Variants in MTR observed in about 807,000 individuals in gnomAD.
The protein encoded by MTR is 5-methyltetrahydrofolate-homocysteine methyltransferase, also known as methionine synthase.
Under a neutral mutation model 154.8 loss-of-function variants are expected in MTR, and 84 were observed. That is an observed-to-expected ratio of 0.54 (90% CI 0.45 to 0.65). MTR has a LOEUF of 0.65. Ranked by LOEUF, MTR falls within the 30% of genes least tolerant of loss-of-function variation. The pLI is 0.00. For missense variants in MTR, 1,275 were observed against 1,570.2 expected (o/e 0.81, Z 3.18); for synonymous variants, 554 against 553.9 (o/e 1.00, Z 0.00).
intron 15 of MTR, among the ~76,000 whole-genome samples, chr1:236,849,122 T>C (rs1456418202): frequency 6.6e-6 from 1 of 152,236 alleles, no homozygotes; most frequent in African/African-American, 2.4e-5. Context: ...CCAGAAATAA[T>C]TCAGGATGTA....
chr1:236,878,967 AG>A (rs1468694875), intron 24 of MTR, among the ~76,000 whole-genome samples: 1 of 152,224 alleles, frequency 6.6e-6, no homozygotes, highest in Admixed American at 6.5e-5. Context: ...AAGGCTTTGT[AG>A]TCCTTTGCTT....
At chr1:236,875,275 C>CT (rs1164813465) in intron 24 of MTR, among the ~76,000 whole-genome samples, 1 of 152,174 alleles carries the variant, frequency 6.6e-6, no homozygotes, top group Non-Finnish European at 1.5e-5. Flanking sequence ...TGAAGGAACT[C>CT]TAACCTTGTA....
intron 1 of MTR, among the ~76,000 whole-genome samples, chr1:236,801,941 A>G (rs1232008353): frequency 6.6e-6 from 1 of 152,216 alleles, no homozygotes; most frequent in African/African-American, 2.4e-5. Context: ...TTTGTAGGAC[A>G]CTTGATAGTT....
At chr1:236,890,867 G>A (rs1175133236) in intron 28 of MTR, among the ~76,000 whole-genome samples, 1 of 152,074 alleles carries the variant, frequency 6.6e-6, no homozygotes, top group African/African-American at 2.4e-5. Context: ...CCACAGCTTT[G>A]GCTCTCTGCT....
At position 236,819,296 on chromosome 1, in the gene MTR, C is replaced by G. The variant is rs558286632; in HGVS notation, c.764+2753C>G. Among the ~76,000 whole-genome samples, 15 of 152,304 alleles carry G rather than the reference C, an allele frequency of 9.8e-5. No individual in the cohort carries two copies. The South Asian group carries it at 2.9e-3, about 29-fold the overall frequency. On this transcript the variant is annotated intron_variant, in intron 8 of 32. Coordinates refer to ENST00000366577, the MANE Select transcript of MTR (RefSeq NM_000254.3). The stretch of plus-strand genomic sequence containing the variant: ...TCCTGGCCTGCTGGCAACAAATCTT[C>G]TCACTGTCCTATAGTTTTGCTGTTT...
chr1:236,826,751 G>A lies in MTR; in HGVS notation c.928-78G>A, dbSNP rs1036702544. 35 of 1,127,546 alleles carry A rather than the reference G, an allele frequency of 3.1e-5. No homozygotes were observed. The African/African-American group carries it at 4.1e-4, about 13-fold the overall frequency. The allele number at this position is 1,127,546 out of a possible 1,614,324, so 69.8% of individuals were successfully genotyped here. A position where few individuals can be genotyped will look rare whatever the true frequency, so the allele number is the denominator to read the frequency against. On this transcript the variant is annotated intron_variant, in intron 10 of 32. Transcript: ENST00000366577. Reference sequence around the variant, plus strand: ...TCTTAGTTATTCAGGAAGTATAGACGGCTTTTATGTTGAATTGGTGGTAAT... The same window carrying A: ...TCTTAGTTATTCAGGAAGTATAGACAGCTTTTATGTTGAATTGGTGGTAAT...
In MTR at chr1:236,795,698, GACA is replaced by G. The variant is rs759552870; in HGVS notation, c.-2_1del. On this transcript the variant is annotated 5_prime_UTR_variant, in exon 1 of 33. Transcript: ENST00000366577. Reference sequence around the variant, plus strand: ...CGCCCTCTGCGCAAGGAGGAGACTCGACAACATGTCACCCGCGCTCCAAGACCT... The same window carrying G: ...CGCCCTCTGCGCAAGGAGGAGACTCGACATGTCACCCGCGCTCCAAGACCT... 4 of 1,614,124 alleles carry G rather than the reference GACA, an allele frequency of 2.5e-6. No homozygotes were observed. Among genetic ancestry groups the G allele is most frequent in the East Asian group, 4.5e-5 (2 of 44,888 alleles).
intron 24 of MTR, among the ~76,000 whole-genome samples, chr1:236,880,084 G>A (rs962785355): frequency 4.6e-5 from 7 of 152,152 alleles, no homozygotes; most frequent in African/African-American, 1.7e-4. Context: ...TGGTGTGAAC[G>A]TGGGAGGCGG....
chr1:236,796,807 A>G (rs1572171741), intron 1 of MTR, among the ~76,000 whole-genome samples: 2 of 129,848 alleles, frequency 1.5e-5, no homozygotes, highest in South Asian at 5.0e-4. Context: ...ATAAATGTAA[A>G]CCTCCCTATA....
In MTR at chr1:236,898,140, T is replaced by C. The variant is rs1161661589; in HGVS notation, c.*496T>C. 6.0e-6 allele frequency: 1 copy of C among 166,690 alleles called. No individual in the cohort carries two copies. The highest frequency in any genetic ancestry group is 2.4e-5 in the African/African-American group (1 of 41,464). The allele number at this position is 166,690 out of a possible 1,614,324, so 10.3% of individuals were successfully genotyped here. On this transcript the variant is annotated 3_prime_UTR_variant, in exon 33 of 33. Coordinates refer to ENST00000366577, the MANE Select transcript of MTR (RefSeq NM_000254.3). The stretch of plus-strand genomic sequence containing the variant: ...TGGATTCTGACGGGGAAGGTGTAGC[T>C]CTGTTCTCTTCGGAAGACCTCGTTT...
At chr1:236,838,834 A>G (rs1391502751) in intron 15 of MTR, among the ~76,000 whole-genome samples, 3 of 152,180 alleles carry the variant, frequency 2.0e-5, no homozygotes, top group Non-Finnish European at 1.5e-5. Context: ...CATTGTGCCA[A>G]CGTCATAGAG....
chr1:236,866,001 T>TA (rs1173038748), intron 22 of MTR, among the ~76,000 whole-genome samples: 1 of 152,212 alleles, frequency 6.6e-6, no homozygotes, highest in African/African-American at 2.4e-5. Flanking sequence ...CTTTTGGTTC[T>TA]AAAAGCTGGG....
intron 15 of MTR, among the ~76,000 whole-genome samples, chr1:236,847,361 A>G (rs1304603948): frequency 1.3e-5 from 2 of 152,212 alleles, no homozygotes; most frequent in Non-Finnish European, 2.9e-5. Context: ...GATGTCTTCT[A>G]CACATTGTCC....
At chr1:236,797,868 G>GAAT (rs1660482418) in intron 1 of MTR, among the ~76,000 whole-genome samples, 1 of 151,018 alleles carries the variant, frequency 6.6e-6, no homozygotes, top group Admixed American at 6.6e-5. Context: ...TGAGGCAGGA[G>GAAT]AATCGCTTGA....
At chr1:236,803,392 T>C in intron 1 of MTR, 36 bp from the exon 2 acceptor site, 1 of 1,594,174 alleles carries the variant, frequency 6.3e-7, no homozygotes, top group Non-Finnish European at 8.6e-7. Flanking sequence ...TTTTCACCTT[T>C]CATTCTTTGA....
chr1:236,866,903 A>C (rs1394334373), intron 22 of MTR, among the ~76,000 whole-genome samples: 3 of 152,192 alleles, frequency 2.0e-5, no homozygotes, highest in African/African-American at 7.2e-5. Flanking sequence ...AGAGGTGAAG[A>C]AGCTGCAGAA....
rs1482459791 is a variant in MTR at position 236,838,556 on chromosome 1, A to G, written c.1472A>G (p.Tyr491Cys). The G allele has an allele frequency of 2.5e-6, 4 of 1,614,026 alleles. No homozygotes were observed. In the South Asian group the frequency reaches 3.3e-5, roughly 13 times the overall value. Residue 491 changes from tyrosine to cysteine, a missense_variant, in exon 15 of 33, where the codon TAT (tyrosine) becomes TGT (cysteine). Coordinates refer to ENST00000366577, the MANE Select transcript of MTR (RefSeq NM_000254.3). ...FLEKARKIKK[Y>C]GAAMVVMAFD... ...GAGAAGGCCAGGAAGATTAAAAAGT[A>G]TGGAGCTGCTATGGTGGTCATGGCT...
chr1:236,821,319 A>T (rs1661934236), intron 8 of MTR, among the ~76,000 whole-genome samples: 1 of 152,204 alleles, frequency 6.6e-6, no homozygotes, highest in African/African-American at 2.4e-5. Context: ...TCTCCAGGGA[A>T]CTAACACAGT....
chr1:236,819,008 TTTTC>T (rs1458137804), intron 8 of MTR, among the ~76,000 whole-genome samples: 1 of 151,898 alleles, frequency 6.6e-6, no homozygotes, highest in African/African-American at 2.4e-5. Context: ...GGAGACAGAG[TTTTC>T]TTTTTTTCTT....
Sources: allele counts gnomAD v4.1 joint callset (sites outside exome capture counted in the v4.1 genomes callset), GRCh38; gene constraint gnomAD v4.1.1; transcripts MANE v1.5; gene names NCBI Gene and HGNC (gene_info 2026-07-23, HGNC 2026-07-21).